The following ADGRV1 variants were observed in gnomAD, a reference collection of about 807,000 sequenced individuals.
ADGRV1 encodes adhesion G protein-coupled receptor V1, also known as G-protein coupled receptor 98.
Under a neutral mutation model 596.2 loss-of-function variants are expected in ADGRV1, and 359 were observed. The ratio of observed to expected loss-of-function variants is 0.60; its 90% CI spans 0.55 to 0.66. The LOEUF is 0.66. Among genes scored for constraint, ADGRV1 ranks in the 30% least tolerant of loss-of-function variants. The pLI, the probability that ADGRV1 is intolerant of heterozygous loss-of-function variation, is 0.00. For synonymous variants in ADGRV1, 2,681 were observed against 2,679.2 expected, an observed-to-expected ratio of 1.00 and a Z score of -0.02; for missense variants, 7,274 against 7,575.6, an observed-to-expected ratio of 0.96 and a Z score of 1.48.
chr5:90,755,511 A>G (rs1755738782), intron 55 of ADGRV1, among the ~76,000 whole-genome samples: 1 of 152,104 alleles, frequency 6.6e-6, no homozygotes, highest in African/African-American at 2.4e-5. Context: ...ACTAATGACA[A>G]CAAGTGAAAT....
chr5:91,159,773 GA>G (rs534215772), intron 89 of ADGRV1, among the ~76,000 whole-genome samples: 157 of 152,144 alleles, frequency 1.0e-3, no homozygotes, highest in African/African-American at 3.1e-3. Flanking sequence ...AGGAGAATGG[GA>G]ACAGTCACCC....
chr5:90,988,990 A>G (rs1581721940), intron 85 of ADGRV1, among the ~76,000 whole-genome samples: 1 of 152,006 alleles, frequency 6.6e-6, no homozygotes, highest in Non-Finnish European at 1.5e-5. Flanking sequence ...TTATGGCTGC[A>G]TAGTATTCCA....
At position 90,990,020 on chromosome 5, in the gene ADGRV1, A is replaced by G. The variant is rs1780835405; in HGVS notation, c.18152+4498A>G. 2.0e-5 allele frequency among the ~76,000 whole-genome samples: 3 copies of G among 151,880 alleles called. No individual in the cohort carries two copies. The South Asian group carries it at 6.2e-4, about 32-fold the overall frequency. On this transcript the variant is annotated intron_variant, in intron 85 of 89. Transcript: ENST00000405460. Reference sequence around the variant, plus strand: ...TTTAGTAGGGACGGGGTTTCTCCACATTGGTCAGGCTGGTCTCGAACTCCT... The same window carrying G: ...TTTAGTAGGGACGGGGTTTCTCCACGTTGGTCAGGCTGGTCTCGAACTCCT...
chr5:90,823,621 T>A (rs1027357297), intron 76 of ADGRV1, 25 bp downstream of exon 76: 1 of 1,578,878 alleles, frequency 6.3e-7, no homozygotes. Context: ...GACACACTAG[T>A]GTCAACTTCT....
At chr5:91,006,745 C>G (rs1782313541) in intron 85 of ADGRV1, among the ~76,000 whole-genome samples, 1 of 151,550 alleles carries the variant, frequency 6.6e-6, no homozygotes, top group Non-Finnish European at 1.5e-5. Flanking sequence ...ATTTAATATA[C>G]TAGATATCTT....
intron 32 of ADGRV1, 137 bp downstream of exon 32, chr5:90,692,923 G>T: frequency 3.2e-6 from 2 of 620,932 alleles, no homozygotes; most frequent in South Asian, 2.6e-5. Context: ...TTATTTTAAT[G>T]TGTTAACTGA....
rs727504831 is a variant in ADGRV1, at chr5:90,558,916, A to C, written c.21A>C (p.Pro7=). 9.6e-6 allele frequency: 15 copies of C among 1,557,966 alleles called. No individual in the cohort carries two copies. In the Admixed American group the frequency reaches 1.2e-4, roughly 12 times the overall value. ...CGCGGATGTCGGTGTTCCTGGGGCC[A>C]GGTAGGCTATGGCTGAGGGGTGGTG... MSVFLG[P]GMPSASLLVN... Residue 7 remains proline, a splice_region_variant and synonymous_variant, in exon 1 of 90, where the codon CCA becomes CCC. Coordinates refer to ENST00000405460, the MANE Select transcript of ADGRV1 (RefSeq NM_032119.4).
At chr5:90,707,068 G>A (rs1474119) in intron 38 of ADGRV1, among the ~76,000 whole-genome samples, 69,461 of 151,694 alleles carry the variant, frequency 0.46, 16,159 homozygotes, top group Admixed American at 0.57. Flanking sequence ...CAGAAAATCC[G>A]TGTATGTCAG....
At chr5:90,974,836 C>G (rs554281708) in intron 84 of ADGRV1, among the ~76,000 whole-genome samples, 10 of 152,080 alleles carry the variant, frequency 6.6e-5, no homozygotes, top group African/African-American at 2.4e-4. Context: ...CAACCAAAGC[C>G]GAAATTGACA....
chr5:90,734,073 C>T (rs1034775863), intron 50 of ADGRV1, among the ~76,000 whole-genome samples: 2 of 152,174 alleles, frequency 1.3e-5, no homozygotes, highest in Non-Finnish European at 2.9e-5. Flanking sequence ...CAGATCCATC[C>T]ATATTGTCCC....
At chr5:90,961,509 G>C (rs1379293898) in intron 83 of ADGRV1, among the ~76,000 whole-genome samples, 46 of 139,528 alleles carry the variant, frequency 3.3e-4, no homozygotes, top group African/African-American at 1.3e-3. Flanking sequence ...AAAAAAAAAG[G>C]GGGGGTGGCG....
At chr5:90,848,263 C>T (rs548118643) in intron 78 of ADGRV1, among the ~76,000 whole-genome samples, 2 of 152,012 alleles carry the variant, frequency 1.3e-5, no homozygotes, top group Non-Finnish European at 2.9e-5. Context: ...GTATTTATTT[C>T]CTTATTTGTT....
chr5:91,064,846 T>C (rs1787750098), intron 85 of ADGRV1, among the ~76,000 whole-genome samples: 1 of 152,224 alleles, frequency 6.6e-6, no homozygotes, highest in East Asian at 1.9e-4. Context: ...TCTCTAAGTC[T>C]TTCCAGCCAT....
At chr5:90,695,145 T>C (rs1747021743) in intron 33 of ADGRV1, among the ~76,000 whole-genome samples, 1 of 152,174 alleles carries the variant, frequency 6.6e-6, no homozygotes, top group Admixed American at 6.5e-5. Context: ...TCAGGAAATA[T>C]CATCAGAGAA....
At chr5:90,774,881 A>G (rs1235168370) in intron 60 of ADGRV1, among the ~76,000 whole-genome samples, 2 of 152,168 alleles carry the variant, frequency 1.3e-5, no homozygotes, top group African/African-American at 4.8e-5. Flanking sequence ...ATCACACTTT[A>G]CCTTTGTAAT....
intron 85 of ADGRV1, among the ~76,000 whole-genome samples, chr5:91,060,745 C>T (rs976224169): frequency 2.0e-5 from 3 of 152,182 alleles, no homozygotes; most frequent in Admixed American, 2.0e-4. Context: ...ATGGGTGTGA[C>T]TGAATGTTCA....
rs532623334 is a variant in ADGRV1 at position 91,025,769 on chromosome 5, T to A, written c.18152+40247T>A. On this transcript the variant is annotated intron_variant, in intron 85 of 89. Transcript: ENST00000405460. ...CATTTATTCTAGTTACCTTCACTGATAAACAGGGAGGTGAAACAAAGCTGT... is the reference window on the plus strand; with the variant it reads ...CATTTATTCTAGTTACCTTCACTGAAAAACAGGGAGGTGAAACAAAGCTGT... 3.9e-5 allele frequency among the ~76,000 whole-genome samples: 6 copies of A among 152,288 alleles called. No individual in the cohort carries two copies. The East Asian group carries it at 1.2e-3, about 29-fold the overall frequency.
Position 90,855,770 on chromosome 5 carries a change from TG to T in ADGRV1, c.17626del (p.Val5876LeufsTer66). ...TTGTCTGACAGTCAGTTTTGCAAAG[TG>T]GTTGAGGAAACTGCAGACTATGTGG... The part of the protein sequence containing the change: ...SWLSDSQFCK[V>X]VEETADYVEC... On this transcript the variant is annotated frameshift_variant, in exon 82 of 90. Coordinates refer to ENST00000405460, the MANE Select transcript of ADGRV1 (RefSeq NM_032119.4). LOFTEE classifies it high-confidence loss of function. 1 of 1,593,758 alleles carries T rather than the reference TG, an allele frequency of 6.3e-7. No individual in the cohort carries two copies. Among genetic ancestry groups the T allele is most frequent in the Non-Finnish European group, 8.5e-7 (1 of 1,170,850 alleles).
chr5:90,855,674 T>G (rs181650797), intron 81 of ADGRV1, 67 bp from the exon 82 acceptor site: 1 of 1,116,896 alleles, frequency 9.0e-7, no homozygotes, highest in African/African-American at 1.6e-5. Context: ...TATTTTTCTT[T>G]AAAAGCCATC....
Sources: gnomAD v4.1 joint callset for allele counts (sites outside exome capture counted in the v4.1 genomes callset) on GRCh38, gnomAD v4.1.1 for gene constraint, MANE v1.5 for transcripts, NCBI Gene and HGNC (gene_info 2026-07-23, HGNC 2026-07-21) for gene names.